SEMA4B: variants seen among roughly 807,000 people sequenced by gnomAD.
SEMA4B encodes the protein semaphorin 4B.
SEMA4B carries 55 observed loss-of-function variants against 88.1 expected under a neutral mutation model. The ratio of observed to expected loss-of-function variants is 0.62; its 90% CI spans 0.50 to 0.78. The LOEUF is 0.78. Among genes scored for constraint, SEMA4B ranks in the 30% least tolerant of loss-of-function variants. SEMA4B has a pLI of 0.00. For synonymous variants in SEMA4B, 525 were observed against 473.6 expected (o/e 1.11, Z -1.41); for missense variants, 1,062 against 1,111.9 (o/e 0.96, Z 0.64).
intron 3 of SEMA4B, 23 bp from the exon 4 acceptor site, chr15:90,219,770 A>G (rs2151617446): frequency 1.9e-6 from 3 of 1,591,060 alleles, no homozygotes; most frequent in South Asian, 1.1e-5. Flanking sequence ...TGGGACTGAT[A>G]TCCCCTCGCT....
At chr15:90,197,460 C>T (rs959692883), upstream of SEMA4B, among the ~76,000 whole-genome samples, 3 of 151,302 alleles carry the variant, frequency 2.0e-5, no homozygotes, top group East Asian at 2.0e-4. Context: ...TTTTTTGGGA[C>T]GGAGTCTCGC....
Position 90,201,404 on chromosome 15 carries a change from G to A in SEMA4B, c.-175G>A. The A allele has an allele frequency of 7.8e-7, 1 of 1,282,140 alleles. No individual in the cohort carries two copies. The highest frequency in any genetic ancestry group is 9.8e-7 in the Non-Finnish European group (1 of 1,016,478). 79.4% of individuals were successfully genotyped at this position (1,282,140 alleles called of 1,614,324 possible). On this transcript the variant is annotated 5_prime_UTR_variant, in exon 1 of 14. Transcript: ENST00000411539. ...GGGAGGACTGCGGTGCCCCGCGGAG[G>A]GGCTGAGTTTGCCAGGGCCCACTTG...
intron 1 of SEMA4B, among the ~76,000 whole-genome samples, chr15:90,188,475 A>G (rs984999709): frequency 2.0e-5 from 3 of 151,644 alleles, no homozygotes; most frequent in South Asian, 2.1e-4. Context: ...TAAAAATACA[A>G]AAATTAGCCA....
At chr15:90,185,836 C>G (rs550159931) in intron 1 of SEMA4B, among the ~76,000 whole-genome samples, 2 of 151,940 alleles carry the variant, frequency 1.3e-5, no homozygotes, top group South Asian at 4.1e-4. Context: ...AAAACTGAAG[C>G]CAGAGAGATT....
chr15:90,224,949 C>G lies in SEMA4B; in HGVS notation c.1195-19C>G. ...ACCCCGAGGTGTGGCTGGCCTCACA[C>G]TGCTGCTTTCTCCTCCAGTGCATCA... is the stretch of plus-strand genomic sequence containing the variant. On this transcript the variant is annotated intron_variant, in intron 9 of 13. Transcript: ENST00000411539. 1 of 1,611,126 alleles carries G rather than the reference C, an allele frequency of 6.2e-7. No homozygotes were observed. Among genetic ancestry groups the G allele is most frequent in the Non-Finnish European group, 8.5e-7 (1 of 1,177,482 alleles).
At position 90,201,563 on chromosome 15, in the gene SEMA4B, C is replaced by G. The variant is rs1297328538; in HGVS notation, c.-16C>G. 1.4e-6 allele frequency: 2 copies of G among 1,461,878 alleles called. No individual in the cohort carries two copies. Among genetic ancestry groups the G allele is most frequent in the East Asian group, 3.0e-5 (1 of 33,664 alleles). The allele number at this position is 1,461,878 out of a possible 1,614,324, so 90.6% of individuals were successfully genotyped here. ...CTGAGCCCGAGCCGCGGGACACCGTCGCTCCTGCTCTCCGAATGCTGCGCA... is the reference window on the plus strand; with the variant it reads ...CTGAGCCCGAGCCGCGGGACACCGTGGCTCCTGCTCTCCGAATGCTGCGCA... On this transcript the variant is annotated 5_prime_UTR_variant, in exon 1 of 14. Transcript: ENST00000411539.
chr15:90,228,479 C>A lies in SEMA4B; in HGVS notation c.2350C>A (p.His784Asn). The A allele has an allele frequency of 6.2e-7, 1 of 1,610,074 alleles. No homozygotes were observed. Among genetic ancestry groups the A allele is most frequent in the Non-Finnish European group, 8.5e-7 (1 of 1,178,806 alleles). The change falls in exon 14 of 14, where the codon CAC (histidine) becomes AAC (asparagine). Residue 784 changes from histidine to asparagine, a missense_variant. His to Asn is a moderately conservative substitution (Grantham distance 68, BLOSUM62 1). Transcript: ENST00000411539. Reference protein sequence around the residue: ...GLGPPSTPLDHRGYQSLSDSP... With the variant: ...GLGPPSTPLDNRGYQSLSDSP... ...AGGGCCCCCTAGCACCCCGCTCGAT[C>A]ACCGAGGGTACCAGTCCCTGTCAGA...
intron 1 of SEMA4B, among the ~76,000 whole-genome samples, chr15:90,206,006 G>T (rs1459321048): frequency 6.6e-6 from 1 of 152,186 alleles, no homozygotes; most frequent in Non-Finnish European, 1.5e-5. Context: ...ACATCCAGCT[G>T]GTGTTGAAAT....
intron 3 of SEMA4B, chr15:90,219,141 C>G (rs954951165): frequency 1.3e-5 from 2 of 152,136 alleles, no homozygotes; most frequent in Non-Finnish European, 2.9e-5. Flanking sequence ...GATGGTGGCT[C>G]GGACCAGTGA....
Position 90,221,508 on chromosome 15 carries a change from G to T in SEMA4B, c.709+28G>T, listed in dbSNP as rs548348003. On this transcript the variant is annotated intron_variant, in intron 6 of 13. Transcript: ENST00000411539. ...GAAGTCCTCTTGCCACCACCCAGAG[G>T]GCAGGGATCCTGTTCACCCAGCCCT... 25 of 1,606,516 alleles carry T rather than the reference G, an allele frequency of 1.6e-5. No homozygotes were observed. In the East Asian group the frequency reaches 5.4e-4, roughly 35 times the overall value.
chr15:90,228,838 C>T lies in SEMA4B; in HGVS notation c.*195C>T, dbSNP rs868213388. On this transcript the variant is annotated 3_prime_UTR_variant, in exon 14 of 14. Transcript: ENST00000411539. Reference sequence around the variant, plus strand: ...CCTACCACCCAGACACCCAAACAGCCGTGGCCCCAGAGGTCCTGGCCAAAT... The same window carrying T: ...CCTACCACCCAGACACCCAAACAGCTGTGGCCCCAGAGGTCCTGGCCAAAT... 6.9e-6 allele frequency: 5 copies of T among 728,274 alleles called. No individual in the cohort carries two copies. Among genetic ancestry groups the T allele is most frequent in the Non-Finnish European group, 1.1e-5 (5 of 455,538 alleles). 45.1% of individuals were successfully genotyped at this position (728,274 alleles called of 1,614,324 possible).
At chr15:90,218,190 G>A (rs1393193310) in intron 3 of SEMA4B, among the ~76,000 whole-genome samples, 1 of 152,182 alleles carries the variant, frequency 6.6e-6, no homozygotes, top group African/African-American at 2.4e-5. Context: ...GGTGGGGTGA[G>A]AGTTGTGTCC....
chr15:90,216,627 T>C (rs1961545654), intron 1 of SEMA4B, among the ~76,000 whole-genome samples: 1 of 152,176 alleles, frequency 6.6e-6, no homozygotes. Context: ...GCAGATCACT[T>C]GAGTTCAGGA....
chr15:90,228,635 G>A lies in SEMA4B; in HGVS notation c.2506G>A (p.Val836Met), dbSNP rs1173829452. ...VRLGSEIRDS[V>M]V is the part of the protein sequence containing the mutation. ...CCTTGGCTCGGAGATCCGTGACTCT[G>A]TGGTGTGAGAGCTGACTTCCAGAGG... The change falls in exon 14 of 14, where the codon GTG (valine) becomes ATG (methionine). Residue 836 changes from valine (V) to methionine (M), a missense_variant. Coordinates refer to ENST00000411539, the MANE Select transcript of SEMA4B (RefSeq NM_198925.4). The A allele has an allele frequency of 1.2e-6, 2 of 1,613,134 alleles. No homozygotes were observed. The highest frequency in any genetic ancestry group is 1.7e-6 in the Non-Finnish European group (2 of 1,179,884).
intron 1 of SEMA4B, among the ~76,000 whole-genome samples, chr15:90,204,262 G>A (rs1400964558): frequency 6.6e-6 from 1 of 152,158 alleles, no homozygotes; most frequent in African/African-American, 2.4e-5. Context: ...CTTTCCTCCT[G>A]CCACTCACTC....
chr15:90,199,048 G>T (rs1466098964), upstream of SEMA4B, among the ~76,000 whole-genome samples: 4 of 152,054 alleles, frequency 2.6e-5, no homozygotes, highest in African/African-American at 9.7e-5. Flanking sequence ...TAATTTTTGT[G>T]TTCTTAGTAG....
intron 1 of SEMA4B, among the ~76,000 whole-genome samples, chr15:90,186,569 C>A (rs989626867): frequency 6.6e-6 from 1 of 151,796 alleles, no homozygotes; most frequent in African/African-American, 2.4e-5. Flanking sequence ...CCTGAGCCAG[C>A]CGAGATTGTG....
At chr15:90,200,356 A>G (rs80292087), upstream of SEMA4B, among the ~76,000 whole-genome samples, 591 of 152,344 alleles carry the variant, frequency 3.9e-3, 3 homozygotes, top group African/African-American at 0.013. Context: ...ACTCTTAACT[A>G]CAGGAGGAAC....
rs142935515 is a variant in SEMA4B, at chr15:90,218,133, A to G, written c.384+304A>G. Among the ~76,000 whole-genome samples, 31 of 152,342 alleles carry G rather than the reference A, an allele frequency of 2.0e-4. No individual in the cohort carries two copies. In the East Asian group the frequency reaches 5.2e-3, roughly 26 times the overall value. ...CTAATAGGTGTAAGGCACCTGGCTC[A>G]TAGATACAAGACCTAACAAGTCAGC... is the stretch of plus-strand genomic sequence containing the variant. On this transcript the variant is annotated intron_variant, in intron 3 of 13. Coordinates refer to ENST00000411539, the MANE Select transcript of SEMA4B (RefSeq NM_198925.4).
Sources: gnomAD v4.1 joint callset for allele counts (sites outside exome capture counted in the v4.1 genomes callset) on GRCh38, gnomAD v4.1.1 for gene constraint, MANE v1.5 for transcripts, NCBI Gene and HGNC (gene_info 2026-07-23, HGNC 2026-07-21) for gene names.